The following ZNF714 variants were observed in gnomAD, a reference collection of about 807,000 sequenced individuals.
The protein encoded by ZNF714 is zinc finger protein 714.
In ZNF714, 32 loss-of-function variants were observed where a neutral mutation model predicts 46.2. That is an observed-to-expected ratio of 0.69 (90% CI 0.52 to 0.93). The LOEUF is 0.93. Among genes scored for constraint, ZNF714 ranks in the 40% least tolerant of loss-of-function variants. The pLI is 0.00. For missense variants in ZNF714, 635 were observed against 646.3 expected, an observed-to-expected ratio of 0.98 and a Z score of 0.19; for synonymous variants, 199 against 213.1, an observed-to-expected ratio of 0.93 and a Z score of 0.58.
chr19:21,097,914 C>A (rs1038829458), intron 2 of ZNF714, among the ~76,000 whole-genome samples: 2 of 152,114 alleles, frequency 1.3e-5, no homozygotes, highest in Admixed American at 1.3e-4. Context: ...ATATAGCACT[C>A]AAAAATGTAT....
intron 2 of ZNF714, among the ~76,000 whole-genome samples, chr19:21,097,417 TTATTC>T (rs1225746095): frequency 6.6e-6 from 1 of 152,180 alleles, no homozygotes; most frequent in East Asian, 1.9e-4. Context: ...TCATAAAAAT[TTATTC>T]TAGTGTTGTT....
At chr19:21,096,088 A>G (rs920585625) in intron 2 of ZNF714, among the ~76,000 whole-genome samples, 2 of 152,176 alleles carry the variant, frequency 1.3e-5, no homozygotes, top group Non-Finnish European at 2.9e-5. Flanking sequence ...GGGACAGGGC[A>G]GTGGCCCATA....
chr19:21,089,546 C>A (rs549652269), intron 2 of ZNF714, among the ~76,000 whole-genome samples: 1 of 152,212 alleles, frequency 6.6e-6, no homozygotes, highest in Admixed American at 6.5e-5. Context: ...AGAATGGAAC[C>A]CTGAACCTGG....
At chr19:21,111,985 G>A (rs186332943) in intron 4 of ZNF714, among the ~76,000 whole-genome samples, 1 of 152,276 alleles carries the variant, frequency 6.6e-6, no homozygotes, top group African/African-American at 2.4e-5. Context: ...CAGTTTGCAA[G>A]TATTTTATTG....
chr19:21,087,392 A>T (rs568878218), intron 2 of ZNF714, among the ~76,000 whole-genome samples: 1 of 152,288 alleles, frequency 6.6e-6, no homozygotes, highest in African/African-American at 2.4e-5. Flanking sequence ...TATTTACAAA[A>T]ACAGTCCAAA....
intron 4 of ZNF714, among the ~76,000 whole-genome samples, chr19:21,101,397 C>T (rs1488608539): frequency 6.6e-6 from 1 of 152,158 alleles, no homozygotes; most frequent in Non-Finnish European, 1.5e-5. Context: ...GGTTTGTTAC[C>T]AAGGGCTTGG....
chr19:21,113,930 C>T (rs1007220597), intron 4 of ZNF714, among the ~76,000 whole-genome samples: 3 of 152,028 alleles, frequency 2.0e-5, no homozygotes, highest in African/African-American at 7.2e-5. Context: ...TGAGTTCAAG[C>T]CTTGTTACTT....
At chr19:21,089,867 TAG>T (rs113060938) in intron 2 of ZNF714, among the ~76,000 whole-genome samples, 6 of 141,468 alleles carry the variant, frequency 4.2e-5, no homozygotes, top group African/African-American at 5.0e-5. Context: ...TCAGTTTACA[TAG>T]AGAGGCTAGA....
intron 2 of ZNF714, among the ~76,000 whole-genome samples, chr19:21,095,600 C>A (rs1200626230): frequency 6.6e-6 from 1 of 151,722 alleles, no homozygotes; most frequent in South Asian, 2.1e-4. Flanking sequence ...GTAGCTGGGA[C>A]TACAGGCGCC....
chr19:21,101,927 G>A lies in ZNF714; in HGVS notation c.142+3017G>A, dbSNP rs555735016. Among the ~76,000 whole-genome samples the A allele has an allele frequency of 2.0e-5, 3 of 152,294 alleles. No individual in the cohort carries two copies. The South Asian group carries it at 6.2e-4, about 32-fold the overall frequency. On this transcript the variant is annotated intron_variant, in intron 4 of 4. Transcript: ENST00000456283. Reference sequence around the variant, plus strand: ...CTCCTCAATCTTGGGCTTTAGCAGAGTTTCACAACTCCCTCCCTGGGTCTC... The same window carrying A: ...CTCCTCAATCTTGGGCTTTAGCAGAATTTCACAACTCCCTCCCTGGGTCTC...
rs756183608 is a variant in ZNF714, at chr19:21,098,799, A to G, written c.44-13A>G. 4 of 1,589,064 alleles carry G rather than the reference A, an allele frequency of 2.5e-6. No individual in the cohort carries two copies. The highest frequency in any genetic ancestry group is 3.4e-6 in the Non-Finnish European group (4 of 1,162,690). ...AATATAAGCAAGATTTATGCTATTT[A>G]CTTTTAATAAAGCAGGTATTGCTGT... On this transcript the variant is annotated splice_polypyrimidine_tract_variant and intron_variant, in intron 3 of 4. Transcript: ENST00000456283.
chr19:21,114,095 CTTCT>C (rs1245664248), intron 4 of ZNF714, among the ~76,000 whole-genome samples: 1 of 152,020 alleles, frequency 6.6e-6, no homozygotes, highest in African/African-American at 2.4e-5. Flanking sequence ...ATGTAACGTA[CTTCT>C]TTGTCTTTTT....
At chr19:21,099,757 A>C (rs1969129798) in intron 4 of ZNF714, among the ~76,000 whole-genome samples, 1 of 152,140 alleles carries the variant, frequency 6.6e-6, no homozygotes, top group African/African-American at 2.4e-5. Context: ...TTGTGAAAAA[A>C]ATGCCACTGG....
chr19:21,088,668 G>A (rs1434217137), intron 2 of ZNF714, among the ~76,000 whole-genome samples: 2 of 152,126 alleles, frequency 1.3e-5, no homozygotes, highest in African/African-American at 2.4e-5. Flanking sequence ...TTTGATTTAA[G>A]CTCTTATTAT....
intron 2 of ZNF714, among the ~76,000 whole-genome samples, chr19:21,086,907 A>G (rs1228106524): frequency 2.0e-5 from 3 of 152,188 alleles, no homozygotes. Context: ...TTGCCTAACT[A>G]GTCAGAGTCT....
Position 21,116,972 on chromosome 19 carries a change from A to G in ZNF714, c.308A>G (p.Asn103Ser), listed in dbSNP as rs2144880876. The G allele has an allele frequency of 6.3e-7, 1 of 1,577,990 alleles. No homozygotes were observed. Among genetic ancestry groups the G allele is most frequent in the Non-Finnish European group, 8.5e-7 (1 of 1,170,218 alleles). ...VECKVYKKGY[N>S]ELNQCLTTTQ... ...TGTAAGGTGTACAAAAAAGGTTATA[A>G]TGAACTAAACCAGTGTTTGACAACT... Residue 103 changes from asparagine to serine, a missense_variant, in exon 5 of 5, where the codon AAT becomes AGT. Transcript: ENST00000456283.
At chr19:21,116,151 C>T (rs780195059) in intron 4 of ZNF714, among the ~76,000 whole-genome samples, 4 of 152,072 alleles carry the variant, frequency 2.6e-5, no homozygotes, top group Non-Finnish European at 4.4e-5. Context: ...GTTAGAGATC[C>T]TGGTAGACTC....
chr19:21,092,965 A>T (rs1968951003), intron 2 of ZNF714, among the ~76,000 whole-genome samples: 1 of 127,952 alleles, frequency 7.8e-6, no homozygotes, highest in African/African-American at 2.9e-5. Context: ...GCTGGAGTGC[A>T]GTGGTGCGAT....
chr19:21,082,419 G>T lies in ZNF714; in HGVS notation c.-177+71G>T, dbSNP rs1463963225. 2.1e-6 allele frequency: 3 copies of T among 1,400,030 alleles called. No homozygotes were observed. The East Asian group carries it at 1.1e-4, about 50-fold the overall frequency. The allele number at this position is 1,400,030 out of a possible 1,614,324, so 86.7% of individuals were successfully genotyped here. A position where few individuals can be genotyped will look rare whatever the true frequency, so the allele number is the denominator to read the frequency against. On this transcript the variant is annotated intron_variant, in intron 1 of 4. Coordinates refer to ENST00000456283, the MANE Select transcript of ZNF714 (RefSeq NM_182515.4). ...TTGTAAGCGGTGGGAAGTGGCTGTG[G>T]TGGGACTTAGGCCTCCCCGCAGTCA...
Sources: gnomAD v4.1 joint callset for allele counts (sites outside exome capture counted in the v4.1 genomes callset) on GRCh38, gnomAD v4.1.1 for gene constraint, MANE v1.5 for transcripts, NCBI Gene and HGNC (gene_info 2026-07-23, HGNC 2026-07-21) for gene names.